The following GNG7 variants were observed in gnomAD, a reference collection of about 807,000 sequenced individuals.
The protein encoded by GNG7 is guanine nucleotide-binding protein G(I)/G(S)/G(O) subunit gamma-7.
Under a neutral mutation model 4.0 loss-of-function variants are expected in GNG7, and 1 was observed. The ratio of observed to expected loss-of-function variants is 0.25; its 90% CI spans 0.09 to 1.18. The LOEUF (loss-of-function observed/expected upper bound fraction) is 1.18. Among genes scored for constraint, GNG7 ranks in the 50% most tolerant of loss-of-function variants. The probability of loss-of-function intolerance (pLI) is 0.50; values close to 1 mark genes in which losing one functional copy is unlikely to be tolerated. For synonymous variants in GNG7, 34 were observed against 36.9 expected (o/e 0.92, Z 0.29); for missense variants, 86 against 91.9 (o/e 0.94, Z 0.26).
intron 1 of GNG7, among the ~76,000 whole-genome samples, chr19:2,682,626 A>T (rs1983767208): frequency 7.0e-6 from 1 of 143,256 alleles, no homozygotes. Flanking sequence ...ACTGCACTCC[A>T]GCCTGGGCAA....
Position 2,512,547 on chromosome 19 carries a change from G to A in GNG7, c.*2475C>T, listed in dbSNP as rs1186999999. On this transcript the variant is annotated 3_prime_UTR_variant, in exon 5 of 5. Coordinates refer to ENST00000382159, the MANE Select transcript of GNG7 (RefSeq NM_052847.3). The surrounding 1 kb of genome is among the most constrained non-coding windows in gnomAD (Gnocchi z 4.7). ...CCCCGAGCCTCAGTTTACCTGGAAC[G>A]CTCAGCCCGTTTAACCCCACCATCT... is the stretch of plus-strand genomic sequence containing the variant. The A allele has an allele frequency of 9.5e-6, 2 of 211,220 alleles. No individual in the cohort carries two copies. Among genetic ancestry groups the A allele is most frequent in the Admixed American group, 6.5e-5 (1 of 15,312 alleles). 13.1% of individuals were successfully genotyped at this position (211,220 alleles called of 1,614,324 possible). A position where few individuals can be genotyped will look rare whatever the true frequency, so the allele number is the denominator to read the frequency against.
At chr19:2,701,786 C>G (rs926306659) in intron 1 of GNG7, among the ~76,000 whole-genome samples, 3 of 151,382 alleles carry the variant, frequency 2.0e-5, no homozygotes, top group African/African-American at 7.3e-5. Flanking sequence ...TGACTCAACC[C>G]CTGTTCCCCG....
intron 2 of GNG7, among the ~76,000 whole-genome samples, chr19:2,629,258 T>C (rs1171763203): frequency 6.6e-6 from 1 of 152,208 alleles, no homozygotes; most frequent in Non-Finnish European, 1.5e-5. Context: ...GTTATGTCCC[T>C]TGGAAAGAAC....
chr19:2,520,001 G>C (rs1214824341), intron 4 of GNG7, among the ~76,000 whole-genome samples: 1 of 152,080 alleles, frequency 6.6e-6, no homozygotes, highest in Non-Finnish European at 1.5e-5. Context: ...GCAACATGGC[G>C]AAACGCCGTC....
At chr19:2,681,432 C>T (rs1983733501) in intron 1 of GNG7, among the ~76,000 whole-genome samples, 1 of 152,162 alleles carries the variant, frequency 6.6e-6, no homozygotes, top group Non-Finnish European at 1.5e-5. Context: ...ATCCGCCCGC[C>T]TCGGCCTCCC....
intron 2 of GNG7, among the ~76,000 whole-genome samples, chr19:2,568,272 CAT>C (rs540348092): frequency 2.9e-4 from 43 of 147,586 alleles, no homozygotes; most frequent in African/African-American, 1.0e-3. Context: ...TATAGAGACA[CAT>C]ATAGACTTAC....
intron 1 of GNG7, among the ~76,000 whole-genome samples, chr19:2,649,309 C>T (rs141009878): frequency 1.4e-3 from 210 of 151,858 alleles, no homozygotes; most frequent in African/African-American, 4.9e-3. Context: ...CCAGCGACAC[C>T]GTACACAACT....
At chr19:2,527,913 C>T (rs1978462046) in intron 3 of GNG7, among the ~76,000 whole-genome samples, 2 of 152,146 alleles carry the variant, frequency 1.3e-5, no homozygotes, top group Non-Finnish European at 2.9e-5. Flanking sequence ...GAGTGGTTCC[C>T]TTAGGCAAAA....
rs764519305 is a variant in GNG7, at chr19:2,538,105, C to CAAA, written c.-38+17043_-38+17044insTTT. 248 of 455,364 alleles carry CAAA rather than the reference C, an allele frequency of 5.4e-4. 1 individual carries two copies. Among genetic ancestry groups the CAAA allele is most frequent in the African/African-American group, 2.5e-3 (123 of 49,942 alleles). 28.2% of individuals were successfully genotyped at this position (455,364 alleles called of 1,614,324 possible). A position where few individuals can be genotyped will look rare whatever the true frequency, so the allele number is the denominator to read the frequency against. On this transcript the variant is annotated intron_variant, in intron 3 of 4. Transcript: ENST00000382159. Reference sequence around the variant, plus strand: ...CAAAACAAAACAAAACAAAACAAAACAACAATGAATGGAGAGGAGAAAAGC... The same window carrying CAAA: ...CAAAACAAAACAAAACAAAACAAAACAAAAACAATGAATGGAGAGGAGAAAAGC...
intron 2 of GNG7, among the ~76,000 whole-genome samples, chr19:2,606,942 C>G (rs906915835): frequency 1.3e-5 from 2 of 151,568 alleles, no homozygotes; most frequent in African/African-American, 4.9e-5. Flanking sequence ...AAACAAGGGC[C>G]GGGCACCGTG....
intron 2 of GNG7, among the ~76,000 whole-genome samples, chr19:2,622,223 G>A (rs1431872113): frequency 6.6e-6 from 1 of 152,040 alleles, no homozygotes; most frequent in Non-Finnish European, 1.5e-5. Flanking sequence ...GGGACTACAG[G>A]CGCCCGCCAC....
chr19:2,524,590 G>C (rs759674078), intron 3 of GNG7, among the ~76,000 whole-genome samples: 1 of 152,388 alleles, frequency 6.6e-6, no homozygotes, highest in South Asian at 2.1e-4. Flanking sequence ...ATGCATATGA[G>C]TGTGCATCCT....
intron 2 of GNG7, among the ~76,000 whole-genome samples, chr19:2,571,525 C>T (rs550904778): frequency 6.6e-6 from 1 of 151,108 alleles, no homozygotes; most frequent in Admixed American, 6.6e-5. Flanking sequence ...TGGAGGGTGC[C>T]TGCAGGCTAC....
chr19:2,690,096 T>C (rs2144909221), intron 1 of GNG7, among the ~76,000 whole-genome samples: 1 of 152,042 alleles, frequency 6.6e-6, no homozygotes, highest in African/African-American at 2.4e-5. Flanking sequence ...CATTTAAAAA[T>C]GGAGGCCGGG....
chr19:2,529,877 C>T (rs1431971823), intron 3 of GNG7, among the ~76,000 whole-genome samples: 1 of 152,222 alleles, frequency 6.6e-6, no homozygotes, highest in South Asian at 2.1e-4. Context: ...CACTCTGGCT[C>T]TGCTCCTGGT....
At chr19:2,661,297 A>G (rs1180812934) in intron 1 of GNG7, among the ~76,000 whole-genome samples, 807 of 41,592 alleles carry the variant, frequency 0.019, 14 homozygotes, top group Non-Finnish European at 0.027. Flanking sequence ...AAAGAAAGAA[A>G]GAAAGAGAAA....
chr19:2,546,734 T>G lies in GNG7; in HGVS notation c.-38+8415A>C, dbSNP rs1979140097. On this transcript the variant is annotated intron_variant, in intron 3 of 4. Coordinates refer to ENST00000382159, the MANE Select transcript of GNG7 (RefSeq NM_052847.3). The surrounding 1 kb of genome is among the most constrained non-coding windows in gnomAD (Gnocchi z 6.3). ...AGGGTGACGCGCCGCCAGTGTGGGT[T>G]TGGTCGCCGCGGTGACGGGAGCAGG... 6.6e-6 allele frequency among the ~76,000 whole-genome samples: 1 copy of G among 151,818 alleles called. No individual in the cohort carries two copies. Among genetic ancestry groups the G allele is most frequent in the Non-Finnish European group, 1.5e-5 (1 of 67,922 alleles).
intron 2 of GNG7, among the ~76,000 whole-genome samples, chr19:2,592,155 T>C (rs536058163): frequency 9.2e-5 from 14 of 152,178 alleles, no homozygotes; most frequent in Non-Finnish European, 1.9e-4. Flanking sequence ...GCAACATTAT[T>C]TGGATGTAAG....
Position 2,557,118 on chromosome 19 carries a change from C to T in GNG7, c.-77-1930G>A, listed in dbSNP as rs184698576. ...AGGAATACTCAGACACACGCACACACGTACACACGTGTACTGCACACTCAC... is the reference window on the plus strand; with the variant it reads ...AGGAATACTCAGACACACGCACACATGTACACACGTGTACTGCACACTCAC... On this transcript the variant is annotated intron_variant, in intron 2 of 4. Coordinates refer to ENST00000382159, the MANE Select transcript of GNG7 (RefSeq NM_052847.3). This position sits in a 1 kb window ranked among gnomAD's most constrained non-coding sequence, Gnocchi z 5.1. Among the ~76,000 whole-genome samples the T allele has an allele frequency of 1.5e-3, 223 of 151,744 alleles. 1 individual carries two copies. Among genetic ancestry groups the T allele is most frequent in the African/African-American group, 5.1e-3 (209 of 41,346 alleles).
Sources: allele counts gnomAD v4.1 joint callset (sites outside exome capture counted in the v4.1 genomes callset), GRCh38; gene constraint gnomAD v4.1.1; non-coding constraint Gnocchi (gnomAD v3.1); transcripts MANE v1.5; gene names NCBI Gene and HGNC (gene_info 2026-07-23, HGNC 2026-07-21).